Variants in GPR15 observed in about 807,000 individuals in gnomAD.
GPR15 encodes the protein G protein-coupled receptor 15.
A neutral mutation model predicts 19.3 loss-of-function variants in GPR15; 16 were observed. That is an observed-to-expected ratio of 0.83 (90% CI 0.56 to 1.26). GPR15 has a LOEUF of 1.26. Among genes scored for constraint, GPR15 ranks in the 50% most tolerant of loss-of-function variants. The pLI, the probability that GPR15 is intolerant of heterozygous loss-of-function variation, is 0.00. For synonymous variants in GPR15, 170 were observed against 171.2 expected (o/e 0.99, Z 0.05); for missense variants, 458 against 429.4 (o/e 1.07, Z -0.59).
In GPR15 at chr3:98,532,880, G is replaced by A. The variant is rs1301854208; in HGVS notation, c.847G>A (p.Gly283Ser). Residue 283 changes from glycine to serine, a missense_variant, in exon 1 of 1, where the codon GGT becomes AGT. By Grantham distance (56) the Gly-to-Ser change is moderately conservative. Transcript: ENST00000284311. ...HYLPSAILQLGMEVSGPLAFA... is the reference protein window; with the variant it reads ...HYLPSAILQLSMEVSGPLAFA... Reference sequence around the variant, plus strand: ...TTTACCCTCAGCTATTCTTCAGCTTGGTATGGAGGTGAGTGGACCCTTGGC... The same window carrying A: ...TTTACCCTCAGCTATTCTTCAGCTTAGTATGGAGGTGAGTGGACCCTTGGC... The A allele has an allele frequency of 6.2e-7, 1 of 1,613,990 alleles. No individual in the cohort carries two copies. Among genetic ancestry groups the A allele is most frequent in the Non-Finnish European group, 8.5e-7 (1 of 1,180,026 alleles).
At position 98,532,554 on chromosome 3, in the gene GPR15, T is replaced by G. The variant is rs1423369021; in HGVS notation, c.521T>G (p.Leu174Arg). Residue 174 changes from leucine to arginine, a missense_variant, in exon 1 of 1, where the codon CTC becomes CGC. Transcript: ENST00000284311. ...LGLPTLLSRE[L>R]TLIDDKPYCA... Reference sequence around the variant, plus strand: ...TTGCCTACTCTTCTGTCCAGGGAGCTCACGCTGATTGATGATAAGCCATAC... The same window carrying G: ...TTGCCTACTCTTCTGTCCAGGGAGCGCACGCTGATTGATGATAAGCCATAC... 6.2e-7 allele frequency: 1 copy of G among 1,614,036 alleles called. No individual in the cohort carries two copies. The highest frequency in any genetic ancestry group is 8.5e-7 in the Non-Finnish European group (1 of 1,180,030).
In GPR15 at chr3:98,532,654, T is replaced by G; in HGVS notation, c.621T>G (p.Pro207=). 6.2e-7 allele frequency: 1 copy of G among 1,614,190 alleles called. No homozygotes were observed. The highest frequency in any genetic ancestry group is 2.2e-5 in the East Asian group (1 of 44,876). ...CCTTAATTTTCACCTTTTTTGTCCCTTTGTTGAGCATTGTGACCTGCTACT... is the reference window on the plus strand; with the variant it reads ...CCTTAATTTTCACCTTTTTTGTCCCGTTGTTGAGCATTGTGACCTGCTACT... ...LVALIFTFFV[P]LLSIVTCYCC... is the part of the protein sequence containing the mutation. Residue 207 remains proline, a synonymous_variant, in exon 1 of 1, where the codon CCT becomes CCG. Transcript: ENST00000284311.
Position 98,533,232 on chromosome 3 carries a change from T to C in GPR15, c.*116T>C. 1 of 1,185,136 alleles carries C rather than the reference T, an allele frequency of 8.4e-7. No homozygotes were observed. The highest frequency in any genetic ancestry group is 1.2e-6 in the Non-Finnish European group (1 of 863,294). 73.4% of individuals were successfully genotyped at this position (1,185,136 alleles called of 1,614,324 possible). A position where few individuals can be genotyped will look rare whatever the true frequency, so the allele number is the denominator to read the frequency against. ...ATTGCTTCATAGATGCAAGGAAGAG[T>C]TCATTTTTAAAGAGAGGACTGAAAA... On this transcript the variant is annotated 3_prime_UTR_variant, in exon 1 of 1. Coordinates refer to ENST00000284311, the MANE Select transcript of GPR15 (RefSeq NM_005290.4).
Position 98,532,888 on chromosome 3 carries a change from G to A in GPR15, c.855G>A (p.Glu285=). ...CAGCTATTCTTCAGCTTGGTATGGAGGTGAGTGGACCCTTGGCATTTGCCA... is the reference window on the plus strand; with the variant it reads ...CAGCTATTCTTCAGCTTGGTATGGAAGTGAGTGGACCCTTGGCATTTGCCA... ...LPSAILQLGM[E]VSGPLAFANS... is the part of the protein sequence containing the mutation. The change falls in exon 1 of 1, where the codon GAG becomes GAA. Residue 285 remains glutamate (E), a synonymous_variant. Coordinates refer to ENST00000284311, the MANE Select transcript of GPR15 (RefSeq NM_005290.4). 2.5e-6 allele frequency: 4 copies of A among 1,614,148 alleles called. No homozygotes were observed. The highest frequency in any genetic ancestry group is 3.4e-6 in the Non-Finnish European group (4 of 1,180,050).
In GPR15 at chr3:98,533,094, G is replaced by C. The variant is rs375921676; in HGVS notation, c.1061G>C (p.Arg354Thr). 2 of 1,609,738 alleles carry C rather than the reference G, an allele frequency of 1.2e-6. No individual in the cohort carries two copies. Among genetic ancestry groups the C allele is most frequent in the East Asian group, 4.5e-5 (2 of 44,848 alleles). The change falls in exon 1 of 1, where the codon AGG becomes ACG. Residue 354 changes from arginine (R) to threonine (T), a missense_variant. Physicochemically the swap from Arg to Thr is moderately conservative, Grantham distance 71. Transcript: ENST00000284311. ...CATGCAGAAGATTTTGCCAGGAGGA[G>C]GAAGAGGTCTGTGTCACTCTAAAGG... ...FIHAEDFARR[R>T]KRSVSL
rs752760213 is a variant in GPR15, at chr3:98,532,424, C to T, written c.391C>T (p.Arg131Cys). The change falls in exon 1 of 1, where the codon CGC becomes TGC. Residue 131 changes from arginine (R) to cysteine (C), a missense_variant. Physicochemically the swap from Arg to Cys is radical, Grantham distance 180 (BLOSUM62 -3). Coordinates refer to ENST00000284311, the MANE Select transcript of GPR15 (RefSeq NM_005290.4). ...CCTGCTCACTTGCATGAGTGTTGACCGCTACCTGGCCATTGTGTGGCCAGT... is the reference window on the plus strand; with the variant it reads ...CCTGCTCACTTGCATGAGTGTTGACTGCTACCTGGCCATTGTGTGGCCAGT... Reference protein sequence around the residue: ...VLLLTCMSVDRYLAIVWPVVS... With the variant: ...VLLLTCMSVDCYLAIVWPVVS... 6 of 1,614,102 alleles carry T rather than the reference C, an allele frequency of 3.7e-6. No individual in the cohort carries two copies. The highest frequency in any genetic ancestry group is 3.3e-5 in the Admixed American group (2 of 60,012).
In GPR15 at chr3:98,534,459, T is replaced by C. The variant is rs1046812647; in HGVS notation, c.*1343T>C. 5.9e-5 allele frequency among the ~76,000 whole-genome samples: 9 copies of C among 152,204 alleles called. No individual in the cohort carries two copies. Among genetic ancestry groups the C allele is most frequent in the African/African-American group, 2.2e-4 (9 of 41,474 alleles). ...CTTGAATGAATTACCATTTTACTTC[T>C]AAATATTAGATTTGAAAATCAGAAA... On this transcript the variant is annotated 3_prime_UTR_variant, in exon 1 of 1. Transcript: ENST00000284311.
At position 98,533,001 on chromosome 3, in the gene GPR15, A is replaced by C. The variant is rs748494648; in HGVS notation, c.968A>C (p.Asn323Thr). Residue 323 changes from asparagine (N) to threonine (T), a missense_variant, in exon 1 of 1, where the codon AAC becomes ACC. Physicochemically the swap from Asn to Thr is moderately conservative, Grantham distance 65. Coordinates refer to ENST00000284311, the MANE Select transcript of GPR15 (RefSeq NM_005290.4). ...CACTGCTTGTGCCCTTGCCTGAAAA[A>C]CTATGACTTTGGGAGTAGCACTGAG... ...IVHCLCPCLK[N>T]YDFGSSTETS... 1 of 1,613,976 alleles carries C rather than the reference A, an allele frequency of 6.2e-7. No homozygotes were observed. Among genetic ancestry groups the C allele is most frequent in the East Asian group, 2.2e-5 (1 of 44,860 alleles).
rs753136836 is a variant in GPR15 at position 98,533,125 on chromosome 3, G to A, written c.*9G>A. The A allele has an allele frequency of 6.3e-6, 10 of 1,587,826 alleles. No homozygotes were observed. The highest frequency in any genetic ancestry group is 5.4e-5 in the African/African-American group (4 of 74,228). On this transcript the variant is annotated 3_prime_UTR_variant, in exon 1 of 1. Transcript: ENST00000284311. ...GGTCTGTGTCACTCTAAAGGGAACTGTGACATTTCAAGCTCTGTTGGTGGG... is the reference window on the plus strand; with the variant it reads ...GGTCTGTGTCACTCTAAAGGGAACTATGACATTTCAAGCTCTGTTGGTGGG...
rs562498362 is a variant in GPR15 at position 98,532,081 on chromosome 3, G to C, written c.48G>C (p.Thr16=). 2 of 1,613,788 alleles carry C rather than the reference G, an allele frequency of 1.2e-6. No individual in the cohort carries two copies. The highest frequency in any genetic ancestry group is 2.7e-5 in the African/African-American group (2 of 74,858). ...TSVYLDYYYA[T]SPNSDIRETH... Reference sequence around the variant, plus strand: ...TTTATTTGGATTATTACTATGCTACGAGCCCAAACTCTGACATCAGGGAGA... The same window carrying C: ...TTTATTTGGATTATTACTATGCTACCAGCCCAAACTCTGACATCAGGGAGA... Residue 16 remains threonine, a synonymous_variant, in exon 1 of 1, where the codon ACG becomes ACC. Coordinates refer to ENST00000284311, the MANE Select transcript of GPR15 (RefSeq NM_005290.4).
chr3:98,532,558 G>A lies in GPR15; in HGVS notation c.525G>A (p.Thr175=), dbSNP rs375053855. ...CTACTCTTCTGTCCAGGGAGCTCAC[G>A]CTGATTGATGATAAGCCATACTGTG... is the stretch of plus-strand genomic sequence containing the variant. The part of the protein sequence containing the change: ...GLPTLLSREL[T]LIDDKPYCAE... Residue 175 remains threonine, a synonymous_variant, in exon 1 of 1, where the codon ACG becomes ACA. Transcript: ENST00000284311. The A allele has an allele frequency of 5.0e-5, 81 of 1,614,020 alleles. No individual in the cohort carries two copies. Among genetic ancestry groups the A allele is most frequent in the Middle Eastern group, 1.6e-4 (1 of 6,084 alleles).
chr3:98,532,380 A>C lies in GPR15; in HGVS notation c.347A>C (p.Asn116Thr), dbSNP rs775006655. Reference protein sequence around the residue: ...CKGSSYMISVNMHCSVLLLTC... With the variant: ...CKGSSYMISVTMHCSVLLLTC... ...GGGAGCTCCTACATGATCTCCGTCA[A>C]TATGCACTGCAGTGTCCTCCTGCTC... The change falls in exon 1 of 1, where the codon AAT becomes ACT. Residue 116 changes from asparagine to threonine, a missense_variant. Transcript: ENST00000284311. 1.2e-6 allele frequency: 2 copies of C among 1,614,210 alleles called. No homozygotes were observed. Among genetic ancestry groups the C allele is most frequent in the Non-Finnish European group, 1.7e-6 (2 of 1,180,036 alleles).
chr3:98,532,607 A>T lies in GPR15; in HGVS notation c.574A>T (p.Lys192Ter), dbSNP rs1404219288. 5.0e-6 allele frequency: 8 copies of T among 1,614,060 alleles called. No individual in the cohort carries two copies. Among genetic ancestry groups the T allele is most frequent in the Non-Finnish European group, 6.8e-6 (8 of 1,180,032 alleles). ...YCAEKKATPI[K>*]LIWSLVALIF... is the part of the protein sequence containing the mutation. Reference sequence around the variant, plus strand: ...TGCAGAGAAAAAGGCAACTCCAATTAAACTCATATGGTCCCTGGTGGCCTT... The same window carrying T: ...TGCAGAGAAAAAGGCAACTCCAATTTAACTCATATGGTCCCTGGTGGCCTT... Residue 192 changes from lysine (K) to a stop codon, truncating the protein, a stop_gained, in exon 1 of 1, where the codon AAA becomes TAA. Transcript: ENST00000284311. LOFTEE classifies it high-confidence loss of function.
Position 98,532,555 on chromosome 3 carries a change from C to T in GPR15, c.522C>T (p.Leu174=). 1.2e-6 allele frequency: 2 copies of T among 1,614,158 alleles called. No individual in the cohort carries two copies. Among genetic ancestry groups the T allele is most frequent in the Non-Finnish European group, 1.7e-6 (2 of 1,180,032 alleles). Residue 174 remains leucine, a synonymous_variant, in exon 1 of 1, where the codon CTC becomes CTT. Coordinates refer to ENST00000284311, the MANE Select transcript of GPR15 (RefSeq NM_005290.4). ...TGCCTACTCTTCTGTCCAGGGAGCT[C>T]ACGCTGATTGATGATAAGCCATACT... The part of the protein sequence containing the change: ...LGLPTLLSRE[L]TLIDDKPYCA...
Position 98,534,201 on chromosome 3 carries a change from A to G in GPR15, c.*1085A>G, listed in dbSNP as rs1332152831. 1.3e-5 allele frequency among the ~76,000 whole-genome samples: 2 copies of G among 152,166 alleles called. No homozygotes were observed. The highest frequency in any genetic ancestry group is 1.3e-4 in the Admixed American group (2 of 15,278). On this transcript the variant is annotated 3_prime_UTR_variant, in exon 1 of 1. Coordinates refer to ENST00000284311, the MANE Select transcript of GPR15 (RefSeq NM_005290.4). ...CAGCCAAAGTAGAAAATCTCTAACA[A>G]AGATCTCACTAGTATTTTATATATA... is the stretch of plus-strand genomic sequence containing the variant.
chr3:98,532,647 TTG>T lies in GPR15; in HGVS notation c.616_617del (p.Val206ProfsTer119), dbSNP rs1271551215. 6.2e-7 allele frequency: 1 copy of T among 1,614,234 alleles called. No individual in the cohort carries two copies. The highest frequency in any genetic ancestry group is 8.5e-7 in the Non-Finnish European group (1 of 1,180,040). On this transcript the variant is annotated frameshift_variant, in exon 1 of 1. Coordinates refer to ENST00000284311, the MANE Select transcript of GPR15 (RefSeq NM_005290.4). LOFTEE classifies it high-confidence loss of function. ...CTGGTGGCCTTAATTTTCACCTTTTTTGTCCCTTTGTTGAGCATTGTGACCTG... is the reference window on the plus strand; with the variant it reads ...CTGGTGGCCTTAATTTTCACCTTTTTTCCCTTTGTTGAGCATTGTGACCTG...
Position 98,532,779 on chromosome 3 carries a change from C to T in GPR15, c.746C>T (p.Ala249Val), listed in dbSNP as rs752520832. ...SIKIIFIVVAAFLVSWLPFNT... is the reference protein window; with the variant it reads ...SIKIIFIVVAVFLVSWLPFNT... ...AAGATCATCTTTATTGTCGTGGCAGCCTTTCTTGTCTCCTGGCTGCCCTTC... is the reference window on the plus strand; with the variant it reads ...AAGATCATCTTTATTGTCGTGGCAGTCTTTCTTGTCTCCTGGCTGCCCTTC... The change falls in exon 1 of 1, where the codon GCC becomes GTC. Residue 249 changes from alanine (A) to valine (V), a missense_variant. Ala to Val is a moderately conservative substitution (Grantham distance 64). Coordinates refer to ENST00000284311, the MANE Select transcript of GPR15 (RefSeq NM_005290.4). 3.7e-6 allele frequency: 6 copies of T among 1,613,788 alleles called. No individual in the cohort carries two copies. The African/African-American group carries it at 6.7e-5, about 18-fold the overall frequency.
rs549150449 is a variant in GPR15 at position 98,532,570 on chromosome 3, T to C, written c.537T>C (p.Asp179=). 1 of 1,614,216 alleles carries C rather than the reference T, an allele frequency of 6.2e-7. No homozygotes were observed. Among genetic ancestry groups the C allele is most frequent in the African/African-American group, 1.3e-5 (1 of 75,056 alleles). The change falls in exon 1 of 1, where the codon GAT becomes GAC. Residue 179 remains aspartate, a synonymous_variant. Transcript: ENST00000284311. ...LLSRELTLID[D]KPYCAEKKAT... is the part of the protein sequence containing the mutation. ...CCAGGGAGCTCACGCTGATTGATGA[T>C]AAGCCATACTGTGCAGAGAAAAAGG...
At position 98,532,474 on chromosome 3, in the gene GPR15, A is replaced by G. The variant is rs766583323; in HGVS notation, c.441A>G (p.Thr147=). Residue 147 remains threonine, a synonymous_variant, in exon 1 of 1, where the codon ACA becomes ACG. Transcript: ENST00000284311. ...TCGTATCCAGGAAATTCAGAAGGAC[A>G]GACTGTGCATATGTAGTCTGTGCCA... ...WPVVSRKFRR[T]DCAYVVCASI... 1 of 1,614,216 alleles carries G rather than the reference A, an allele frequency of 6.2e-7. No homozygotes were observed. Among genetic ancestry groups the G allele is most frequent in the East Asian group, 2.2e-5 (1 of 44,890 alleles).
Sources: gnomAD v4.1 joint callset for allele counts (sites outside exome capture counted in the v4.1 genomes callset) on GRCh38, gnomAD v4.1.1 for gene constraint, MANE v1.5 for transcripts, NCBI Gene and HGNC (gene_info 2026-07-23, HGNC 2026-07-21) for gene names.